NKAIN2: variants seen among roughly 807,000 people sequenced by gnomAD.
NKAIN2 encodes the protein sodium/potassium-transporting ATPase subunit beta-1-interacting protein 2.
NKAIN2 carries 14 observed loss-of-function variants against 32.6 expected under a neutral mutation model. The ratio of observed to expected loss-of-function variants is 0.43; its 90% confidence interval spans 0.28 to 0.67. The LOEUF (loss-of-function observed/expected upper bound fraction) is 0.67. Ranked by LOEUF, NKAIN2 falls within the 30% of genes least tolerant of loss-of-function variation. The probability of loss-of-function intolerance (pLI) is 0.17; values close to 1 mark genes in which losing one functional copy is unlikely to be tolerated. For missense variants in NKAIN2, 198 were observed against 258.3 expected (o/e 0.77, Z 1.60); for synonymous variants, 80 against 87.2 (o/e 0.92, Z 0.46).
intron 3 of NKAIN2, among the ~76,000 whole-genome samples, chr6:124,493,707 C>CG (rs979284979): frequency 1.1e-4 from 4 of 37,842 alleles, no homozygotes; most frequent in African/African-American, 3.3e-4. Flanking sequence ...TGCACACCAA[C>CG]CCCCCCCTCC....
chr6:124,116,264 T>C (rs1206376534), intron 1 of NKAIN2, among the ~76,000 whole-genome samples: 1 of 152,152 alleles, frequency 6.6e-6, no homozygotes. Context: ...CTTCAGCAGT[T>C]TGCTCTAAGT....
intron 3 of NKAIN2, among the ~76,000 whole-genome samples, chr6:124,514,017 T>C (rs186576728): frequency 1.6e-4 from 24 of 152,292 alleles, no homozygotes; most frequent in African/African-American, 5.5e-4. Context: ...CTATGCTATA[T>C]TTGTGAAGTG....
intron 1 of NKAIN2, among the ~76,000 whole-genome samples, chr6:124,171,687 A>G (rs1788872126): frequency 6.6e-6 from 1 of 150,824 alleles, no homozygotes; most frequent in Admixed American, 6.7e-5. Context: ...AGTAACTGGG[A>G]CTACAGGCAC....
At chr6:124,261,860 C>T (rs1467344818) in intron 1 of NKAIN2, among the ~76,000 whole-genome samples, 2 of 125,098 alleles carry the variant, frequency 1.6e-5, no homozygotes, top group Non-Finnish European at 3.1e-5. Flanking sequence ...ATGATTCCAT[C>T]TCACACAAAA....
intron 3 of NKAIN2, among the ~76,000 whole-genome samples, chr6:124,391,985 A>C (rs1773163183): frequency 6.6e-6 from 1 of 152,150 alleles, no homozygotes; most frequent in Non-Finnish European, 1.5e-5. Context: ...ACTTGATGCC[A>C]AACAATGAAT....
chr6:124,075,523 A>G (rs930072441), intron 1 of NKAIN2, among the ~76,000 whole-genome samples: 1 of 152,168 alleles, frequency 6.6e-6, no homozygotes, highest in South Asian at 2.1e-4. Context: ...AAGCCATCCT[A>G]CTGTGAATTC....
At chr6:124,689,836 T>C (rs992239608) in intron 4 of NKAIN2, among the ~76,000 whole-genome samples, 1 of 152,130 alleles carries the variant, frequency 6.6e-6, no homozygotes, top group Non-Finnish European at 1.5e-5. Context: ...AATCTTTCAC[T>C]AGTACCACAC....
intron 3 of NKAIN2, among the ~76,000 whole-genome samples, chr6:124,638,232 C>T (rs1446719789): frequency 6.6e-6 from 1 of 152,048 alleles, no homozygotes; most frequent in African/African-American, 2.4e-5. Flanking sequence ...GAAACTAGAC[C>T]CCTCTCTCTC....
intron 4 of NKAIN2, among the ~76,000 whole-genome samples, chr6:124,703,344 A>T (rs764661444): frequency 6.6e-6 from 1 of 151,978 alleles, no homozygotes; most frequent in Non-Finnish European, 1.5e-5. Flanking sequence ...ATCAACATAA[A>T]CTTTAAATCA....
chr6:124,484,319 T>A (rs1474429181), intron 3 of NKAIN2, among the ~76,000 whole-genome samples: 1 of 152,188 alleles, frequency 6.6e-6, no homozygotes, highest in Non-Finnish European at 1.5e-5. Context: ...TGAACTGAGA[T>A]TATTTTGAAG....
chr6:124,093,339 C>T (rs1247198069), intron 1 of NKAIN2, among the ~76,000 whole-genome samples: 1 of 151,998 alleles, frequency 6.6e-6, no homozygotes, highest in Non-Finnish European at 1.5e-5. Flanking sequence ...AGTGTAGAAG[C>T]TCCAAAGCCG....
chr6:123,846,875 C>T (rs1775117308), intron 1 of NKAIN2, among the ~76,000 whole-genome samples: 1 of 152,038 alleles, frequency 6.6e-6, no homozygotes, highest in Admixed American at 6.6e-5. Context: ...ACACATGTCT[C>T]TTATTTCCTC....
intron 1 of NKAIN2, among the ~76,000 whole-genome samples, chr6:123,819,114 C>T (rs1342491037): frequency 6.6e-6 from 1 of 152,116 alleles, no homozygotes; most frequent in African/African-American, 2.4e-5. Context: ...TGGGTTAACT[C>T]AGAATACATT....
At chr6:124,667,006 A>G (rs1772829937) in intron 4 of NKAIN2, among the ~76,000 whole-genome samples, 1 of 152,200 alleles carries the variant, frequency 6.6e-6, no homozygotes, top group Non-Finnish European at 1.5e-5. Context: ...GCCAACTCAC[A>G]GTGACATACA....
chr6:124,003,824 A>T (rs971434405), intron 1 of NKAIN2, among the ~76,000 whole-genome samples: 1 of 152,138 alleles, frequency 6.6e-6, no homozygotes, highest in African/African-American at 2.4e-5. Context: ...AGGGATCTCA[A>T]CAGGTGAATG....
chr6:124,316,353 A>G (rs1427860290), intron 2 of NKAIN2, among the ~76,000 whole-genome samples: 2 of 152,142 alleles, frequency 1.3e-5, no homozygotes, highest in East Asian at 3.9e-4. Flanking sequence ...AACTACATGT[A>G]TGTCTGCATG....
intron 1 of NKAIN2, among the ~76,000 whole-genome samples, chr6:124,023,418 C>G (rs912123570): frequency 1.9e-4 from 29 of 152,044 alleles, no homozygotes; most frequent in African/African-American, 6.0e-4. Flanking sequence ...TTTTTCAAAG[C>G]TTTCCCCCTC....
At chr6:124,380,950 G>A (rs550090712) in intron 3 of NKAIN2, among the ~76,000 whole-genome samples, 2 of 152,110 alleles carry the variant, frequency 1.3e-5, no homozygotes, top group South Asian at 2.1e-4. Flanking sequence ...CACTTGTATC[G>A]AAGTGTAACT....
At chr6:124,772,552 G>C (rs1284996021) in intron 4 of NKAIN2, among the ~76,000 whole-genome samples, 1 of 152,082 alleles carries the variant, frequency 6.6e-6, no homozygotes, top group Non-Finnish European at 1.5e-5. Context: ...GATTTTAAAG[G>C]ATTATTTTAC....
Sources: gnomAD v4.1 joint callset for allele counts (sites outside exome capture counted in the v4.1 genomes callset) on GRCh38, gnomAD v4.1.1 for gene constraint, MANE v1.5 for transcripts, NCBI Gene and HGNC (gene_info 2026-07-23, HGNC 2026-07-21) for gene names.